ASTN1: variants seen among roughly 807,000 people sequenced by gnomAD.
ASTN1 encodes the protein astrotactin 1, also known as astrotactin-1.
Under a neutral mutation model 140.7 loss-of-function variants are expected in ASTN1, and 41 were observed. That is an observed-to-expected ratio of 0.29 (90% CI 0.23 to 0.38). ASTN1 has a LOEUF of 0.38. Among genes scored for constraint, ASTN1 ranks in the 10% least tolerant of loss-of-function variants. The probability of loss-of-function intolerance (pLI) is 1.00; values close to 1 mark genes in which losing one functional copy is unlikely to be tolerated. For synonymous variants in ASTN1, 640 were observed against 652.2 expected (o/e 0.98, Z 0.29); for missense variants, 1,479 against 1,678.8 (o/e 0.88, Z 2.08).
intron 8 of ASTN1, among the ~76,000 whole-genome samples, chr1:176,971,604 C>T (rs779322483): frequency 3.0e-4 from 46 of 152,278 alleles, no homozygotes; most frequent in Admixed American, 1.7e-3. Context: ...AATAGGCCTT[C>T]CCTGGCACTC....
At chr1:176,970,807 AG>A (rs1673113539) in intron 8 of ASTN1, among the ~76,000 whole-genome samples, 3 of 151,662 alleles carry the variant, frequency 2.0e-5, no homozygotes, top group Non-Finnish European at 4.4e-5. Flanking sequence ...TTCATTCAGA[AG>A]CAGTGATGAG....
Position 176,862,055 on chromosome 1 carries a change from G to A in ASTN1, c.*2229C>T. 1 of 985,342 alleles carries A rather than the reference G, an allele frequency of 1.0e-6. No homozygotes were observed. Among genetic ancestry groups the A allele is most frequent in the Non-Finnish European group, 1.2e-6 (1 of 829,922 alleles). 61.0% of individuals were successfully genotyped at this position (985,342 alleles called of 1,614,324 possible). On this transcript the variant is annotated 3_prime_UTR_variant, in exon 23 of 23. Coordinates refer to ENST00000361833, the MANE Select transcript of ASTN1 (RefSeq NM_004319.3). Reference sequence around the variant, plus strand: ...CTGCACAGATATGAATAGAAGGATGGCAAAACAGTAGCAGCAAAGAGATGC... The same window carrying A: ...CTGCACAGATATGAATAGAAGGATGACAAAACAGTAGCAGCAAAGAGATGC...
intron 1 of ASTN1, among the ~76,000 whole-genome samples, chr1:177,149,392 AG>A (rs1171850688): frequency 1.3e-3 from 98 of 78,068 alleles, no homozygotes; most frequent in African/African-American, 2.7e-3. Flanking sequence ...AAATATATAT[AG>A]TATATATATA....
intron 11 of ASTN1, among the ~76,000 whole-genome samples, chr1:176,951,473 A>AAGCC (rs1672188464): frequency 6.6e-6 from 1 of 152,218 alleles, no homozygotes. Flanking sequence ...AGCTTGCTAG[A>AAGCC]AGCCATTAAG....
At chr1:177,041,152 A>T (rs1425218750) in intron 2 of ASTN1, among the ~76,000 whole-genome samples, 1 of 152,156 alleles carries the variant, frequency 6.6e-6, no homozygotes, top group Non-Finnish European at 1.5e-5. Context: ...CAGCCCATAG[A>T]TCCCTAATTC....
At chr1:176,880,981 G>A (rs556695770) in intron 20 of ASTN1, among the ~76,000 whole-genome samples, 5 of 152,348 alleles carry the variant, frequency 3.3e-5, no homozygotes, top group Admixed American at 3.3e-4. Flanking sequence ...CTTAGTTGGA[G>A]AAAGTTTCAG....
intron 1 of ASTN1, among the ~76,000 whole-genome samples, chr1:177,149,395 A>ATATATATAGTAAATATATATATAG (rs1682903054): frequency 1.3e-5 from 1 of 76,896 alleles, no homozygotes; most frequent in Non-Finnish European, 2.0e-5. Flanking sequence ...TATATATAGT[A>ATATATATAGTAAATATATATATAG]TATATATAGT....
chr1:176,914,805 G>C (rs1670411824), intron 16 of ASTN1, among the ~76,000 whole-genome samples: 1 of 152,188 alleles, frequency 6.6e-6, no homozygotes, highest in Non-Finnish European at 1.5e-5. Flanking sequence ...CAGAGAATGA[G>C]GGACAATCCA....
intron 20 of ASTN1, 129 bp downstream of exon 20, chr1:176,882,729 TG>T: frequency 7.7e-7 from 1 of 1,301,016 alleles, no homozygotes; most frequent in Non-Finnish European, 1.1e-6. Context: ...TAATGCCACC[TG>T]GGATAAGACT....
At chr1:176,867,419 G>A (rs920467058) in intron 22 of ASTN1, among the ~76,000 whole-genome samples, 1 of 152,116 alleles carries the variant, frequency 6.6e-6, no homozygotes, top group African/African-American at 2.4e-5. Flanking sequence ...TATTAGGAAT[G>A]AGTAAGAATA....
At chr1:177,053,105 C>CT (rs1324666261) in intron 2 of ASTN1, among the ~76,000 whole-genome samples, 6 of 152,180 alleles carry the variant, frequency 3.9e-5, no homozygotes, top group African/African-American at 1.4e-4. Flanking sequence ...TGAGCAATAG[C>CT]TTTATTACTA....
intron 1 of ASTN1, among the ~76,000 whole-genome samples, chr1:177,094,930 T>C (rs971222673): frequency 6.6e-6 from 1 of 152,138 alleles, no homozygotes; most frequent in African/African-American, 2.4e-5. Flanking sequence ...ATACAGATGA[T>C]AAAGGCCATT....
chr1:177,118,909 C>T lies in ASTN1; in HGVS notation c.283+45485G>A, dbSNP rs565862042. Among the ~76,000 whole-genome samples, 21 of 152,266 alleles carry T rather than the reference C, an allele frequency of 1.4e-4. No homozygotes were observed. The East Asian group carries it at 4.1e-3, about 29-fold the overall frequency. ...CTTACTGGGTGGGAGGCCTTGGGAACACGTCAAGAAACAAAAATCATAATT... is the reference window on the plus strand; with the variant it reads ...CTTACTGGGTGGGAGGCCTTGGGAATACGTCAAGAAACAAAAATCATAATT... On this transcript the variant is annotated intron_variant, in intron 1 of 22. Coordinates refer to ENST00000361833, the MANE Select transcript of ASTN1 (RefSeq NM_004319.3).
chr1:177,114,420 C>CAGATAT (rs1680976410), intron 1 of ASTN1, among the ~76,000 whole-genome samples: 1 of 150,018 alleles, frequency 6.7e-6, no homozygotes, highest in Non-Finnish European at 1.5e-5. Context: ...GAATGGTGCA[C>CAGATAT]ATATATATAT....
intron 10 of ASTN1, among the ~76,000 whole-genome samples, 195 bp from the exon 11 acceptor site, chr1:176,958,023 G>A (rs973524510): frequency 6.6e-5 from 10 of 152,212 alleles, no homozygotes; most frequent in Non-Finnish European, 1.3e-4. Context: ...AATGAGCCAA[G>A]GCTGTAACGC....
chr1:177,032,187 T>A (rs557244391), intron 3 of ASTN1, among the ~76,000 whole-genome samples: 2 of 152,316 alleles, frequency 1.3e-5, no homozygotes, highest in African/African-American at 4.8e-5. Flanking sequence ...TGGCTCTAAC[T>A]CACTCCTCTG....
At chr1:177,046,284 AT>A (rs1198277491) in intron 2 of ASTN1, among the ~76,000 whole-genome samples, 1 of 152,220 alleles carries the variant, frequency 6.6e-6, no homozygotes, top group Admixed American at 6.5e-5. Flanking sequence ...TGACCTTATT[AT>A]AGGTCATTTA....
intron 16 of ASTN1, among the ~76,000 whole-genome samples, chr1:176,903,558 A>T (rs896188443): frequency 1.3e-5 from 2 of 152,136 alleles, no homozygotes; most frequent in African/African-American, 4.8e-5. Flanking sequence ...TGTGTGCATT[A>T]TCTTATACCT....
intron 1 of ASTN1, among the ~76,000 whole-genome samples, chr1:177,149,407 AAT>A (rs1263725814): frequency 7.8e-4 from 61 of 77,886 alleles, no homozygotes; most frequent in African/African-American, 1.6e-3. Context: ...ATATATAGTA[AAT>A]ATATATATAG....
Sources: allele counts gnomAD v4.1 joint callset (sites outside exome capture counted in the v4.1 genomes callset), GRCh38; gene constraint gnomAD v4.1.1; transcripts MANE v1.5; gene names NCBI Gene and HGNC (gene_info 2026-07-23, HGNC 2026-07-21).